RGS17: variants seen among roughly 807,000 people sequenced by gnomAD.
RGS17 encodes the protein regulator of G protein signaling 17.
RGS17 carries 12 observed loss-of-function variants against 25.5 expected under a neutral mutation model. The ratio of observed to expected loss-of-function variants is 0.47; its 90% CI spans 0.30 to 0.76. RGS17 has a LOEUF of 0.76. Ranked by LOEUF, RGS17 falls within the 30% of genes least tolerant of loss-of-function variation. The pLI is 0.07. For synonymous variants in RGS17, 71 were observed against 76.9 expected, an observed-to-expected ratio of 0.92 and a Z score of 0.40; for missense variants, 196 against 242.2, an observed-to-expected ratio of 0.81 and a Z score of 1.27.
chr6:153,020,289 G>C (rs1779235733), intron 4 of RGS17, among the ~76,000 whole-genome samples: 1 of 150,082 alleles, frequency 6.7e-6, no homozygotes, highest in South Asian at 2.1e-4. Flanking sequence ...AGGTAGCTGG[G>C]ATTACAGGTG....
intron 1 of RGS17, among the ~76,000 whole-genome samples, chr6:153,128,348 A>G (rs1777734726): frequency 6.6e-6 from 1 of 152,226 alleles, no homozygotes; most frequent in Non-Finnish European, 1.5e-5. Context: ...GTGTTAAGTA[A>G]GCAGAGTTGG....
At chr6:153,040,243 A>G (rs1314423248) in intron 2 of RGS17, among the ~76,000 whole-genome samples, 4 of 152,200 alleles carry the variant, frequency 2.6e-5, no homozygotes, top group African/African-American at 9.7e-5. Flanking sequence ...ATCACTATGA[A>G]GCCTGTCTAA....
intron 1 of RGS17, among the ~76,000 whole-genome samples, chr6:153,085,190 A>G (rs1777036514): frequency 6.6e-6 from 1 of 152,250 alleles, no homozygotes; most frequent in South Asian, 2.1e-4. Context: ...ACACTTTGAT[A>G]CTGATATTTA....
At chr6:153,019,669 A>G (rs998738656) in intron 4 of RGS17, among the ~76,000 whole-genome samples, 1 of 152,088 alleles carries the variant, frequency 6.6e-6, no homozygotes, top group African/African-American at 2.4e-5. Context: ...TGCCCATGTG[A>G]TGTACTTGAT....
intron 1 of RGS17, among the ~76,000 whole-genome samples, chr6:153,104,645 A>G (rs1264661617): frequency 6.6e-6 from 1 of 152,218 alleles, no homozygotes; most frequent in Non-Finnish European, 1.5e-5. Context: ...CCTAGGATAC[A>G]GTAGTGAATA....
rs527383799 is a variant in RGS17 at position 153,104,322 on chromosome 6, G to A, written c.-26+26802C>T. Among the ~76,000 whole-genome samples the A allele has an allele frequency of 3.9e-5, 6 of 152,200 alleles. No homozygotes were observed. In the South Asian group the frequency reaches 1.2e-3, roughly 32 times the overall value. The stretch of plus-strand genomic sequence containing the variant: ...CCTAGTAATTCACTAGGTATCACTA[G>A]GCCTGTTTTTATAAATGGGAATAAC... On this transcript the variant is annotated intron_variant, in intron 1 of 4. Coordinates refer to ENST00000206262, the MANE Select transcript of RGS17 (RefSeq NM_012419.5).
intron 2 of RGS17, among the ~76,000 whole-genome samples, chr6:153,041,301 T>C (rs900701126): frequency 3.5e-4 from 54 of 152,246 alleles, no homozygotes; most frequent in African/African-American, 1.2e-3. Flanking sequence ...CCAATGTTCA[T>C]TGACAAGAAA....
intron 2 of RGS17, among the ~76,000 whole-genome samples, chr6:153,026,876 A>G (rs900853111): frequency 2.0e-5 from 3 of 152,160 alleles, no homozygotes; most frequent in Non-Finnish European, 2.9e-5. Context: ...GTATATACAC[A>G]CACACACATA....
At chr6:153,017,288 G>A (rs769600878) in intron 4 of RGS17, among the ~76,000 whole-genome samples, 1 of 152,176 alleles carries the variant, frequency 6.6e-6, no homozygotes, top group African/African-American at 2.4e-5. Context: ...AATAGGTCTC[G>A]GTGAACTTGG....
At chr6:153,063,513 G>A (rs958321814) in intron 1 of RGS17, among the ~76,000 whole-genome samples, 2 of 152,078 alleles carry the variant, frequency 1.3e-5, no homozygotes, top group Non-Finnish European at 2.9e-5. Flanking sequence ...CTTGAAGACA[G>A]GCTGTTTGGA....
At chr6:153,042,145 T>A (rs116299463) in intron 2 of RGS17, among the ~76,000 whole-genome samples, 2 of 152,218 alleles carry the variant, frequency 1.3e-5, no homozygotes, top group African/African-American at 4.8e-5. Context: ...ATAATCTCTT[T>A]AGGCATGACA....
In RGS17 at chr6:153,011,502, C is replaced by T. The variant is rs1779132635; in HGVS notation, c.*72G>A. 9.6e-7 allele frequency: 1 copy of T among 1,046,152 alleles called. No individual in the cohort carries two copies. The highest frequency in any genetic ancestry group is 1.6e-5 in the African/African-American group (1 of 61,978). The allele number at this position is 1,046,152 out of a possible 1,614,324, so 64.8% of individuals were successfully genotyped here. A position where few individuals can be genotyped will look rare whatever the true frequency, so the allele number is the denominator to read the frequency against. ...GCTAAACTGTAGTTCTCCAGGAACT[C>T]AGTTTCTGATGTTATTTAACTACTT... On this transcript the variant is annotated 3_prime_UTR_variant, in exon 5 of 5. Coordinates refer to ENST00000206262, the MANE Select transcript of RGS17 (RefSeq NM_012419.5).
intron 1 of RGS17, among the ~76,000 whole-genome samples, chr6:153,112,650 A>C (rs1777489954): frequency 6.6e-6 from 1 of 152,220 alleles, no homozygotes; most frequent in South Asian, 2.1e-4. Context: ...AATGAAGGAA[A>C]AAATGTTAAG....
intron 1 of RGS17, among the ~76,000 whole-genome samples, chr6:153,070,690 TG>T (rs1345626442): frequency 5.1e-5 from 6 of 117,552 alleles, no homozygotes; most frequent in African/African-American, 1.8e-4. Context: ...TGTGTGTGTG[TG>T]TGTGTGTGTG....
intron 1 of RGS17, among the ~76,000 whole-genome samples, chr6:153,071,524 T>C (rs1776802505): frequency 6.6e-6 from 1 of 152,010 alleles, no homozygotes; most frequent in African/African-American, 2.4e-5. Context: ...TTTTGTCAAA[T>C]ACAATAAAAA....
intron 1 of RGS17, among the ~76,000 whole-genome samples, chr6:153,084,582 G>T (rs1777027640): frequency 6.6e-6 from 1 of 152,180 alleles, no homozygotes; most frequent in Non-Finnish European, 1.5e-5. Flanking sequence ...AGCTGGAAAA[G>T]GCTGCAGGGT....
intron 1 of RGS17, among the ~76,000 whole-genome samples, chr6:153,125,329 A>G (rs1406415331): frequency 2.0e-5 from 3 of 152,346 alleles, no homozygotes; most frequent in East Asian, 3.9e-4. Context: ...TAAGAAATTC[A>G]GTGATTTTAG....
At chr6:153,044,168 AC>A in intron 1 of RGS17, 125 bp from the exon 2 acceptor site, 1 of 617,536 alleles carries the variant, frequency 1.6e-6, no homozygotes, top group Non-Finnish European at 2.8e-6. Context: ...AAATAAGGAA[AC>A]TTGAGAGGCC....
intron 3 of RGS17, among the ~76,000 whole-genome samples, chr6:153,025,156 A>AG (rs1779285971): frequency 6.6e-6 from 1 of 151,168 alleles, no homozygotes; most frequent in East Asian, 1.9e-4. Flanking sequence ...CAAAAAAAAA[A>AG]TTAAAAAATT....
Sources: gnomAD v4.1 joint callset for allele counts (sites outside exome capture counted in the v4.1 genomes callset) on GRCh38, gnomAD v4.1.1 for gene constraint, MANE v1.5 for transcripts, NCBI Gene and HGNC (gene_info 2026-07-23, HGNC 2026-07-21) for gene names.